Variants in GPC6 observed in about 807,000 individuals in gnomAD.
GPC6 encodes the protein glypican-6.
In GPC6, 14 loss-of-function variants were observed where a neutral mutation model predicts 55.2. The observed-to-expected ratio is 0.25, with a 90% CI of 0.17 to 0.40. The LOEUF (loss-of-function observed/expected upper bound fraction) is 0.40, where lower values mean the gene tolerates loss of function less well. Among genes scored for constraint, GPC6 ranks in the 10% least tolerant of loss-of-function variants. GPC6 has a pLI of 1.00. For synonymous variants in GPC6, 278 were observed against 259.6 expected (o/e 1.07, Z -0.68); for missense variants, 641 against 708.5 (o/e 0.90, Z 1.08).
chr13:93,550,331 A>C (rs1237331880), intron 2 of GPC6, among the ~76,000 whole-genome samples: 1 of 152,084 alleles, frequency 6.6e-6, no homozygotes, highest in Non-Finnish European at 1.5e-5. Context: ...AAATATATTC[A>C]CATTTGGAGC....
At chr13:94,182,403 G>A (rs963633279) in intron 4 of GPC6, among the ~76,000 whole-genome samples, 1 of 152,148 alleles carries the variant, frequency 6.6e-6, no homozygotes, top group African/African-American at 2.4e-5. Context: ...GCAGGAACAT[G>A]GACTTTGTTC....
intron 1 of GPC6, among the ~76,000 whole-genome samples, chr13:93,341,108 G>T (rs1007434365): frequency 1.3e-5 from 2 of 152,198 alleles, no homozygotes; most frequent in African/African-American, 4.8e-5. Context: ...TAGCTGAGCA[G>T]TATTCCATGG....
chr13:93,409,489 A>C (rs934261106), intron 1 of GPC6, among the ~76,000 whole-genome samples: 1 of 152,144 alleles, frequency 6.6e-6, no homozygotes, highest in African/African-American at 2.4e-5. Flanking sequence ...CCCATAACTG[A>C]AAAAGGGAAG....
At chr13:93,476,613 G>T (rs1879311356) in intron 1 of GPC6, among the ~76,000 whole-genome samples, 1 of 152,130 alleles carries the variant, frequency 6.6e-6, no homozygotes, top group Admixed American at 6.5e-5. Context: ...ATTACTGTAA[G>T]TGCTTTTCCA....
chr13:93,644,902 A>G (rs1436175686), intron 2 of GPC6, among the ~76,000 whole-genome samples: 5 of 152,264 alleles, frequency 3.3e-5, no homozygotes, highest in African/African-American at 4.8e-5. Flanking sequence ...GCCATATTCA[A>G]TGAACCCACT....
intron 1 of GPC6, among the ~76,000 whole-genome samples, chr13:93,366,745 T>C (rs1383486179): frequency 1.3e-5 from 2 of 152,036 alleles, no homozygotes; most frequent in African/African-American, 4.8e-5. Context: ...CATTCAAAAG[T>C]TTGAGCAGTA....
At chr13:94,358,570 C>G (rs1038800270) in intron 6 of GPC6, among the ~76,000 whole-genome samples, 1 of 152,192 alleles carries the variant, frequency 6.6e-6, no homozygotes, top group Non-Finnish European at 1.5e-5. Flanking sequence ...ATCACACTGT[C>G]TACTCTTTAA....
At chr13:93,368,948 A>G (rs1017365935) in intron 1 of GPC6, among the ~76,000 whole-genome samples, 1 of 152,046 alleles carries the variant, frequency 6.6e-6, no homozygotes. Flanking sequence ...TAATGTTTGC[A>G]TAATATATGG....
At position 93,471,200 on chromosome 13, in the gene GPC6, G is replaced by A. The variant is rs183406027; in HGVS notation, c.161-74063G>A. 1.8e-4 allele frequency among the ~76,000 whole-genome samples: 27 copies of A among 151,760 alleles called. 1 individual carries two copies. The East Asian group carries it at 5.1e-3, about 28-fold the overall frequency. On this transcript the variant is annotated intron_variant, in intron 1 of 8. Transcript: ENST00000377047. ...TCTAGCTAGTTAAGATGGAAATTTT[G>A]AGGTCTCTCTTCTTTTCTTATATAA...
rs771773281 is a variant in GPC6, at chr13:93,618,911, A to G, written c.319+73490A>G. On this transcript the variant is annotated intron_variant, in intron 2 of 8. Transcript: ENST00000377047. ...TGTGAACATCGTTGAGTATACATCT[A>G]CAAACCTAAATGGTATAGCCTACTC... Among the ~76,000 whole-genome samples, 43 of 152,142 alleles carry G rather than the reference A, an allele frequency of 2.8e-4. 1 individual carries two copies. The highest frequency in any genetic ancestry group is 6.3e-3 in the Middle Eastern group (2 of 316).
chr13:93,785,720 G>C lies in GPC6; in HGVS notation c.320-44434G>C, dbSNP rs141320462. 7.0e-3 allele frequency among the ~76,000 whole-genome samples: 1,070 copies of C among 152,218 alleles called. 18 individuals are homozygous for C. The highest frequency in any genetic ancestry group is 0.024 in the African/African-American group (1,008 of 41,534). On this transcript the variant is annotated intron_variant, in intron 2 of 8. Transcript: ENST00000377047. ...TCATGCTTGTAATCCCAGCACTTTGGAAGGCTGAGGTGGGAGGATCATCTG... is the reference window on the plus strand; with the variant it reads ...TCATGCTTGTAATCCCAGCACTTTGCAAGGCTGAGGTGGGAGGATCATCTG...
chr13:93,322,197 ACGTAAGTAAACTTGTGT>A (rs1164074389), intron 1 of GPC6, among the ~76,000 whole-genome samples: 1 of 152,174 alleles, frequency 6.6e-6, no homozygotes, highest in Non-Finnish European at 1.5e-5. Context: ...CAGGTTTGTT[ACGTAAGTAAACTTGTGT>A]CATGGAGTTT....
rs143359383 is a variant in GPC6 at position 94,242,746 on chromosome 13, G to C, written c.878-43603G>C. ...TTACAAGTGATCATTTTGTGGGGTT[G>C]TGATTCATATAACACAATTTCATTT... On this transcript the variant is annotated intron_variant, in intron 4 of 8. Coordinates refer to ENST00000377047, the MANE Select transcript of GPC6 (RefSeq NM_005708.5). Among the ~76,000 whole-genome samples the C allele has an allele frequency of 7.8e-3, 1,193 of 152,186 alleles. 17 individuals are homozygous for C. Among genetic ancestry groups the C allele is most frequent in the African/African-American group, 0.026 (1,063 of 41,524 alleles).
At chr13:93,828,861 A>G (rs145544016) in intron 2 of GPC6, among the ~76,000 whole-genome samples, 2 of 152,346 alleles carry the variant, frequency 1.3e-5, no homozygotes, top group African/African-American at 4.8e-5. Flanking sequence ...TTGTATATTA[A>G]TCAGAACTGA....
At chr13:94,133,857 G>A (rs571465754) in intron 4 of GPC6, among the ~76,000 whole-genome samples, 1 of 152,166 alleles carries the variant, frequency 6.6e-6, no homozygotes, top group African/African-American at 2.4e-5. Flanking sequence ...CAATAACAAA[G>A]GTGAGATATT....
intron 4 of GPC6, among the ~76,000 whole-genome samples, chr13:94,029,979 C>A (rs1035509189): frequency 6.6e-6 from 1 of 150,858 alleles, no homozygotes; most frequent in Admixed American, 6.6e-5. Flanking sequence ...CCTATATGAA[C>A]GTATTTCATA....
At chr13:93,386,098 T>TAAA (rs34852109) in intron 1 of GPC6, among the ~76,000 whole-genome samples, 55 of 127,748 alleles carry the variant, frequency 4.3e-4, no homozygotes, top group Middle Eastern at 4.1e-3. Context: ...ACCACTTTGT[T>TAAA]AAAAAAAAAA....
At chr13:93,663,305 C>T (rs1166232410) in intron 2 of GPC6, among the ~76,000 whole-genome samples, 1 of 151,984 alleles carries the variant, frequency 6.6e-6, no homozygotes, top group African/African-American at 2.4e-5. Flanking sequence ...CACATATAGC[C>T]CATAGCATGG....
At chr13:93,482,017 C>T (rs751114214) in intron 1 of GPC6, among the ~76,000 whole-genome samples, 37 of 152,270 alleles carry the variant, frequency 2.4e-4, no homozygotes, top group Non-Finnish European at 4.9e-4. Flanking sequence ...GCCACCTTAA[C>T]ACTATTTAGT....
Sources: allele counts gnomAD v4.1 joint callset (sites outside exome capture counted in the v4.1 genomes callset), GRCh38; gene constraint gnomAD v4.1.1; transcripts MANE v1.5; gene names NCBI Gene and HGNC (gene_info 2026-07-23, HGNC 2026-07-21).